Variants in GRIN2B observed in about 807,000 individuals in gnomAD.
The protein encoded by GRIN2B is glutamate ionotropic receptor NMDA type subunit 2B.
Under a neutral mutation model 114.5 loss-of-function variants are expected in GRIN2B, and 5 were observed. The ratio of observed to expected loss-of-function variants is 0.04; its 90% CI spans 0.02 to 0.09. GRIN2B has a LOEUF of 0.09. Among genes scored for constraint, GRIN2B ranks in the 10% least tolerant of loss-of-function variants. The pLI, the probability that GRIN2B is intolerant of heterozygous loss-of-function variation, is 1.00. For missense variants in GRIN2B, 1,108 were observed against 1,943.5 expected, an observed-to-expected ratio of 0.57 and a Z score of 8.08; for synonymous variants, 787 against 745.1, an observed-to-expected ratio of 1.06 and a Z score of -0.92.
intron 5 of GRIN2B, among the ~76,000 whole-genome samples, chr12:13,640,926 G>A (rs1408260240): frequency 6.6e-6 from 1 of 151,998 alleles, no homozygotes; most frequent in African/African-American, 2.4e-5. Context: ...GTTACACCAG[G>A]TTACTTATTG....
chr12:13,745,810 G>A (rs1272211174), intron 4 of GRIN2B, among the ~76,000 whole-genome samples: 2 of 152,194 alleles, frequency 1.3e-5, no homozygotes, highest in Non-Finnish European at 2.9e-5. Flanking sequence ...GATCAGGTCA[G>A]TCTGGCATCA....
intron 5 of GRIN2B, among the ~76,000 whole-genome samples, chr12:13,669,211 C>A (rs1224571867): frequency 2.0e-5 from 3 of 151,942 alleles, no homozygotes; most frequent in African/African-American, 7.3e-5. Flanking sequence ...CTAATATAAA[C>A]CCTCTCTGCT....
chr12:13,608,514 T>C (rs552969195), intron 10 of GRIN2B, 89 bp downstream of exon 10: 248 of 953,760 alleles, frequency 2.6e-4, no homozygotes, highest in Non-Finnish European at 3.6e-4. Flanking sequence ...ATTCCAAAAA[T>C]TTAGAAGACA....
intron 5 of GRIN2B, among the ~76,000 whole-genome samples, chr12:13,631,910 T>A (rs2136498034): frequency 6.6e-6 from 1 of 152,308 alleles, no homozygotes; most frequent in South Asian, 2.1e-4. Context: ...TCAACTCAGA[T>A]GAGGCAGAAA....
At chr12:13,684,850 T>C (rs1218917181) in intron 4 of GRIN2B, among the ~76,000 whole-genome samples, 2 of 152,154 alleles carry the variant, frequency 1.3e-5, no homozygotes, top group Non-Finnish European at 2.9e-5. Flanking sequence ...GACTACGTTA[T>C]CTCTTTTTTG....
chr12:13,805,403 A>G (rs1390352709), intron 3 of GRIN2B, among the ~76,000 whole-genome samples: 3 of 152,216 alleles, frequency 2.0e-5, no homozygotes, highest in African/African-American at 7.2e-5. Flanking sequence ...TCAAATAGTT[A>G]TCCAAAACTA....
intron 2 of GRIN2B, among the ~76,000 whole-genome samples, chr12:13,945,826 T>C (rs946740991): frequency 2.0e-5 from 3 of 152,194 alleles, no homozygotes; most frequent in Admixed American, 6.5e-5. Context: ...GATGCAGTCA[T>C]ACTTGGAAGT....
chr12:13,903,235 T>A (rs1866484471), intron 2 of GRIN2B, among the ~76,000 whole-genome samples: 1 of 152,162 alleles, frequency 6.6e-6, no homozygotes, highest in African/African-American at 2.4e-5. Context: ...AAATTTCTTT[T>A]ATTCTTACTC....
intron 3 of GRIN2B, among the ~76,000 whole-genome samples, chr12:13,802,197 C>T (rs181085083): frequency 2.0e-5 from 3 of 152,144 alleles, no homozygotes; most frequent in Non-Finnish European, 4.4e-5. Context: ...AAATACCAAC[C>T]AGAATAACAT....
At chr12:13,887,757 G>A (rs558717432) in intron 2 of GRIN2B, among the ~76,000 whole-genome samples, 3 of 152,170 alleles carry the variant, frequency 2.0e-5, no homozygotes, top group Non-Finnish European at 2.9e-5. Context: ...GAGCAATCTC[G>A]AAAAGAAGAG....
chr12:13,939,402 G>A (rs1867192591), intron 2 of GRIN2B, among the ~76,000 whole-genome samples: 1 of 152,034 alleles, frequency 6.6e-6, no homozygotes, highest in Non-Finnish European at 1.5e-5. Context: ...AGATCTGGTT[G>A]TTTAAAAGAG....
intron 5 of GRIN2B, among the ~76,000 whole-genome samples, chr12:13,671,477 A>C (rs1203505027): frequency 6.6e-6 from 1 of 152,278 alleles, no homozygotes; most frequent in East Asian, 1.9e-4. Context: ...CTAAAGGAAC[A>C]TTGGGAAGTC....
intron 12 of GRIN2B, among the ~76,000 whole-genome samples, chr12:13,567,513 C>T (rs999748053): frequency 6.6e-6 from 1 of 152,198 alleles, no homozygotes. Flanking sequence ...GATATGAACA[C>T]ATGAGACGTT....
chr12:13,758,787 C>T (rs751002017), intron 3 of GRIN2B, among the ~76,000 whole-genome samples: 1 of 152,146 alleles, frequency 6.6e-6, no homozygotes, highest in Admixed American at 6.5e-5. Context: ...CTTGTGCATG[C>T]CTCCGTCATC....
intron 2 of GRIN2B, among the ~76,000 whole-genome samples, chr12:13,900,859 G>A (rs1565580304): frequency 6.6e-6 from 1 of 152,058 alleles, no homozygotes; most frequent in Admixed American, 6.6e-5. Flanking sequence ...GTTGGGAGCA[G>A]CTGCGGTTCA....
At chr12:13,836,993 CTCTT>C (rs1264499642) in intron 3 of GRIN2B, among the ~76,000 whole-genome samples, 7 of 152,314 alleles carry the variant, frequency 4.6e-5, no homozygotes, top group African/African-American at 1.2e-4. Context: ...CCCGGGCTCT[CTCTT>C]TCTTTTTGTT....
Position 13,585,474 on chromosome 12 carries a change from T to C in GRIN2B, c.2011-13510A>G, listed in dbSNP as rs374467880. 2.9e-4 allele frequency among the ~76,000 whole-genome samples: 44 copies of C among 152,278 alleles called. 1 individual carries two copies. The highest frequency in any genetic ancestry group is 1.1e-3 in the African/African-American group (44 of 41,560). On this transcript the variant is annotated intron_variant, in intron 10 of 13. Transcript: ENST00000609686. ...CCTTTGGTCAATAAAGTCAGCCCTA[T>C]GCGAGGGACACTCCGGTTTATGGAA... is the stretch of plus-strand genomic sequence containing the variant.
At chr12:13,926,394 C>T (rs188752507) in intron 2 of GRIN2B, among the ~76,000 whole-genome samples, 2 of 152,170 alleles carry the variant, frequency 1.3e-5, no homozygotes, top group Non-Finnish European at 1.5e-5. Context: ...CACACCTAAA[C>T]AATGTGCATT....
chr12:13,810,832 A>T (rs185556546), intron 3 of GRIN2B, among the ~76,000 whole-genome samples: 5 of 152,334 alleles, frequency 3.3e-5, no homozygotes, highest in Non-Finnish European at 5.9e-5. Context: ...ACACTTTCAA[A>T]TCTTGGGCCA....
Sources: gnomAD v4.1 joint callset for allele counts (sites outside exome capture counted in the v4.1 genomes callset) on GRCh38, gnomAD v4.1.1 for gene constraint, MANE v1.5 for transcripts, NCBI Gene and HGNC (gene_info 2026-07-23, HGNC 2026-07-21) for gene names.